Variants in WASHC4 observed in about 807,000 individuals in gnomAD.
WASHC4 encodes WASH complex subunit 7.
WASHC4 carries 86 observed loss-of-function variants against 166.6 expected under a neutral mutation model. That is an observed-to-expected ratio of 0.52 (90% CI 0.43 to 0.62). The LOEUF is 0.62. WASHC4 is among the 20% of genes least tolerant of loss of function. The pLI, the probability that WASHC4 is intolerant of heterozygous loss-of-function variation, is 0.00. For missense variants in WASHC4, 1,262 were observed against 1,382.4 expected, an observed-to-expected ratio of 0.91 and a Z score of 1.38; for synonymous variants, 446 against 451.6, an observed-to-expected ratio of 0.99 and a Z score of 0.16.
In WASHC4 at chr12:105,165,769, A is replaced by T. The variant is rs188702483; in HGVS notation, c.3454+1029A>T. ...ATATTACTAATATTACTTATTAATT[A>T]GGTGCATATCCAGGCGTTTTTTGAA... On this transcript the variant is annotated intron_variant, in intron 32 of 32. Transcript: ENST00000332180. 2.6e-5 allele frequency among the ~76,000 whole-genome samples: 4 copies of T among 152,312 alleles called. No individual in the cohort carries two copies. The East Asian group carries it at 7.7e-4, about 29-fold the overall frequency.
At chr12:105,132,355 A>G (rs571889236) in intron 13 of WASHC4, among the ~76,000 whole-genome samples, 2 of 152,290 alleles carry the variant, frequency 1.3e-5, no homozygotes, top group East Asian at 3.9e-4. Context: ...TATTTTTAGT[A>G]GAGATGGGGT....
chr12:105,111,253 A>G lies in WASHC4; in HGVS notation c.190A>G (p.Ile64Val), dbSNP rs773279430. ...GDVWDFNLDP[I>V]ALKLLPYEQS... ...TGTTTGGGATTTCAATCTTGATCCT[A>G]TAGCATTAAAGGTTTGATTTGATTT... is the stretch of plus-strand genomic sequence containing the variant. Residue 64 changes from isoleucine to valine, a missense_variant, in exon 2 of 33, where the codon ATA (isoleucine) becomes GTA (valine). Coordinates refer to ENST00000332180, the MANE Select transcript of WASHC4 (RefSeq NM_015275.3). 1.1e-5 allele frequency: 17 copies of G among 1,606,194 alleles called. No individual in the cohort carries two copies. The highest frequency in any genetic ancestry group is 1.4e-5 in the Non-Finnish European group (17 of 1,173,980).
chr12:105,161,784 G>A (rs1412020488), intron 29 of WASHC4, among the ~76,000 whole-genome samples: 2 of 152,078 alleles, frequency 1.3e-5, no homozygotes, highest in East Asian at 3.9e-4. Flanking sequence ...TCCAGCGTAG[G>A]CTATTATAGT....
At chr12:105,128,840 G>A (rs932467064) in intron 13 of WASHC4, among the ~76,000 whole-genome samples, 1 of 151,150 alleles carries the variant, frequency 6.6e-6, no homozygotes, top group African/African-American at 2.4e-5. Context: ...GTGCAGTGGT[G>A]TTATCTTGGC....
intron 5 of WASHC4, 78 bp from the exon 6 acceptor site, chr12:105,115,583 A>C (rs563186051): frequency 2.8e-6 from 3 of 1,072,400 alleles, no homozygotes; most frequent in Admixed American, 3.5e-5. Flanking sequence ...GAAAAAAAAA[A>C]ACTTTTCCCC....
At chr12:105,110,014 T>C (rs1461430631) in intron 1 of WASHC4, among the ~76,000 whole-genome samples, 7 of 152,236 alleles carry the variant, frequency 4.6e-5, no homozygotes, top group Non-Finnish European at 7.3e-5. Flanking sequence ...GGCAGTCTTA[T>C]ATGTAAGCTG....
At chr12:105,153,342 G>T (rs914694720) in intron 26 of WASHC4, among the ~76,000 whole-genome samples, 1 of 152,144 alleles carries the variant, frequency 6.6e-6, no homozygotes, top group Non-Finnish European at 1.5e-5. Context: ...TTACTAGTGG[G>T]TAATACGTTA....
In WASHC4 at chr12:105,148,817, T is replaced by C. The variant is rs987770750; in HGVS notation, c.2515-798T>C. 1.8e-5 allele frequency: 18 copies of C among 985,116 alleles called. No individual in the cohort carries two copies. In the South Asian group the frequency reaches 2.8e-4, roughly 15 times the overall value. 61.0% of individuals were successfully genotyped at this position (985,116 alleles called of 1,614,324 possible). A position where few individuals can be genotyped will look rare whatever the true frequency, so the allele number is the denominator to read the frequency against. ...CATTTGTAGGTTGGAATTAATCTTA[T>C]GCTATTTCTGCCTGTAGGTTGGAAT... On this transcript the variant is annotated intron_variant, in intron 24 of 32. Transcript: ENST00000332180.
chr12:105,120,201 T>A (rs1389077722), intron 7 of WASHC4, among the ~76,000 whole-genome samples: 1 of 152,256 alleles, frequency 6.6e-6, no homozygotes, highest in Non-Finnish European at 1.5e-5. Flanking sequence ...TTAATATTTC[T>A]CTACCTTTAT....
intron 15 of WASHC4, among the ~76,000 whole-genome samples, chr12:105,139,125 A>T (rs891908781): frequency 2.0e-5 from 3 of 151,856 alleles, no homozygotes; most frequent in Admixed American, 6.6e-5. Context: ...TTTTTGATCC[A>T]TTTTTTTATT....
intron 15 of WASHC4, among the ~76,000 whole-genome samples, chr12:105,138,847 A>C (rs1054583138): frequency 6.6e-6 from 1 of 152,198 alleles, no homozygotes. Context: ...ATACATAAGC[A>C]TGGTTTTAAA....
At chr12:105,155,813 T>A (rs562662940) in intron 26 of WASHC4, among the ~76,000 whole-genome samples, 1 of 152,134 alleles carries the variant, frequency 6.6e-6, no homozygotes, top group African/African-American at 2.4e-5. Context: ...CTGTACTCCA[T>A]CCTGGGTGAC....
intron 6 of WASHC4, 22 bp downstream of exon 6, chr12:105,115,750 C>T (rs1880122939): frequency 2.0e-6 from 3 of 1,499,166 alleles, no homozygotes; most frequent in African/African-American, 2.8e-5. Flanking sequence ...TTACTTTCTA[C>T]TGAGCTTTTA....
At chr12:105,123,118 AGCCTG>A (rs1216090643) in intron 10 of WASHC4, among the ~76,000 whole-genome samples, 1 of 152,246 alleles carries the variant, frequency 6.6e-6, no homozygotes, top group Non-Finnish European at 1.5e-5. Flanking sequence ...GTTCAAGACC[AGCCTG>A]GCCAAGATGG....
At chr12:105,120,456 T>C (rs1291369351) in intron 7 of WASHC4, 99 bp from the exon 8 acceptor site, 3 of 735,750 alleles carry the variant, frequency 4.1e-6, no homozygotes. Context: ...AAGATAAATA[T>C]TAAAATTCCA....
intron 32 of WASHC4, among the ~76,000 whole-genome samples, chr12:105,166,387 T>C (rs1383365727): frequency 6.6e-6 from 1 of 152,106 alleles, no homozygotes; most frequent in African/African-American, 2.4e-5. Context: ...ATATTACGTA[T>C]AATTTATTAT....
At chr12:105,120,337 T>G (rs558619126) in intron 7 of WASHC4, among the ~76,000 whole-genome samples, 1 of 152,302 alleles carries the variant, frequency 6.6e-6, no homozygotes, top group East Asian at 1.9e-4. Flanking sequence ...TATTGCTGTT[T>G]TTGTATCACA....
intron 25 of WASHC4, 148 bp downstream of exon 25, chr12:105,149,897 G>A (rs1190571064): frequency 4.2e-6 from 3 of 715,270 alleles, no homozygotes; most frequent in Non-Finnish European, 6.2e-6. Context: ...GTAGGCTTAA[G>A]GTAAGGAAAA....
At chr12:105,159,472 G>C (rs1884360681) in intron 28 of WASHC4, among the ~76,000 whole-genome samples, 2 of 152,172 alleles carry the variant, frequency 1.3e-5, no homozygotes, top group African/African-American at 2.4e-5. Flanking sequence ...TTGAGTATTT[G>C]GGTAGTTAGA....
Sources: allele counts gnomAD v4.1 joint callset (sites outside exome capture counted in the v4.1 genomes callset), GRCh38; gene constraint gnomAD v4.1.1; transcripts MANE v1.5; gene names NCBI Gene and HGNC (gene_info 2026-07-23, HGNC 2026-07-21).